RUSC2: variants seen among roughly 807,000 people sequenced by gnomAD.
The protein encoded by RUSC2 is AP-4 complex accessory subunit RUSC2.
A neutral mutation model predicts 122.2 loss-of-function variants in RUSC2; 34 were observed. That is an observed-to-expected ratio of 0.28 (90% confidence interval 0.21 to 0.37). The LOEUF (loss-of-function observed/expected upper bound fraction) is 0.37, where lower values mean the gene tolerates loss of function less well. RUSC2 is among the 10% of genes least tolerant of loss of function. The pLI, the probability that RUSC2 is intolerant of heterozygous loss-of-function variation, is 1.00. For missense variants in RUSC2, 1,747 were observed against 1,952.4 expected (o/e 0.89, Z 1.98); for synonymous variants, 784 against 790.0 (o/e 0.99, Z 0.13).
Position 35,560,395 on chromosome 9 carries a change from A to T in RUSC2, c.3755A>T (p.Glu1252Val), listed in dbSNP as rs947315608. ...GAAGAGGAGACAGAAGAGGTGGCAG[A>T]GGCAGCCGGGGGCTCAGGGCGTGCC... Reference protein sequence around the residue: ...EEEEETEEVAEAAGGSGRARW... With the variant: ...EEEEETEEVAVAAGGSGRARW... Residue 1252 changes from glutamate (E) to valine (V), a missense_variant, in exon 10 of 12, where the codon GAG (glutamate) becomes GTG (valine). By Grantham distance (121) the Glu-to-Val change is moderately radical (BLOSUM62 -2). Coordinates refer to ENST00000361226, the MANE Select transcript of RUSC2 (RefSeq NM_014806.5). 15 of 1,613,904 alleles carry T rather than the reference A, an allele frequency of 9.3e-6. No homozygotes were observed. The highest frequency in any genetic ancestry group is 1.2e-5 in the Non-Finnish European group (14 of 1,179,982).
intron 1 of RUSC2, among the ~76,000 whole-genome samples, chr9:35,527,490 T>C (rs1374160758): frequency 6.6e-6 from 1 of 152,162 alleles, no homozygotes; most frequent in African/African-American, 2.4e-5. Flanking sequence ...TAATTATGTT[T>C]CTAACTTCTG....
intron 1 of RUSC2, among the ~76,000 whole-genome samples, chr9:35,511,752 T>C (rs1821013538): frequency 6.6e-6 from 1 of 152,216 alleles, no homozygotes; most frequent in Non-Finnish European, 1.5e-5. Context: ...TGTATATAAA[T>C]GGTTATAATA....
chr9:35,560,612 G>T lies in RUSC2; in HGVS notation c.3972G>T (p.Gly1324=). 1 of 1,611,136 alleles carries T rather than the reference G, an allele frequency of 6.2e-7. No individual in the cohort carries two copies. The highest frequency in any genetic ancestry group is 8.5e-7 in the Non-Finnish European group (1 of 1,178,730). The change falls in exon 10 of 12, where the codon GGG becomes GGT. Residue 1324 remains glycine (G), a synonymous_variant. Transcript: ENST00000361226. ...APPPREGVVE[G]AEACPASEEA... ...CACCCCGAGAGGGAGTAGTGGAGGG[G>T]GCTGAGGCCTGCCCTGCCTCTGAGG...
chr9:35,542,861 T>C (rs1821668947), intron 1 of RUSC2, among the ~76,000 whole-genome samples: 1 of 152,230 alleles, frequency 6.6e-6, no homozygotes, highest in Admixed American at 6.5e-5. Flanking sequence ...AGTTTTTCCA[T>C]ATTAATGCAT....
rs1360848212 is a variant in RUSC2, at chr9:35,548,758, A to G, written c.2014+223A>G. 1.0e-6 allele frequency: 1 copy of G among 984,904 alleles called. No homozygotes were observed. The highest frequency in any genetic ancestry group is 1.2e-6 in the Non-Finnish European group (1 of 829,586). 61.0% of individuals were successfully genotyped at this position (984,904 alleles called of 1,614,324 possible). ...AAAATACACTGAGCAGACTGGGTGC[A>G]GTGACTCACACCTGTGATCCCAGCC... On this transcript the variant is annotated intron_variant, in intron 2 of 11. Transcript: ENST00000361226. The surrounding 1 kb of genome is among the most constrained non-coding windows in gnomAD (Gnocchi z 4.5).
intron 1 of RUSC2, among the ~76,000 whole-genome samples, chr9:35,491,081 TAAAG>T (rs945893084): frequency 6.9e-6 from 1 of 145,804 alleles, no homozygotes; most frequent in African/African-American, 2.6e-5. Context: ...GTGTCCGTGA[TAAAG>T]AACACAGGCC....
At chr9:35,510,128 C>T (rs570265692) in intron 1 of RUSC2, among the ~76,000 whole-genome samples, 3 of 152,198 alleles carry the variant, frequency 2.0e-5, no homozygotes, top group African/African-American at 7.2e-5. Context: ...TACTGAATTC[C>T]CACAAAATGA....
chr9:35,509,765 GTT>G (rs1820980395), intron 1 of RUSC2, among the ~76,000 whole-genome samples: 1 of 152,104 alleles, frequency 6.6e-6, no homozygotes, highest in Non-Finnish European at 1.5e-5. Flanking sequence ...ATTTATTATA[GTT>G]GTCATTTATT....
At chr9:35,543,861 G>T (rs1821691837) in intron 1 of RUSC2, among the ~76,000 whole-genome samples, 1 of 152,176 alleles carries the variant, frequency 6.6e-6, no homozygotes, top group Non-Finnish European at 1.5e-5. Context: ...CTTTGTGACT[G>T]GCTTCGATTG....
In RUSC2 at chr9:35,561,263, G is replaced by A. The variant is rs1822161002; in HGVS notation, c.4432G>A (p.Gly1478Arg). 1 of 1,614,068 alleles carries A rather than the reference G, an allele frequency of 6.2e-7. No individual in the cohort carries two copies. Among genetic ancestry groups the A allele is most frequent in the East Asian group, 2.2e-5 (1 of 44,888 alleles). The change falls in exon 12 of 12, where the codon GGG becomes AGG. Residue 1478 changes from glycine to arginine, a missense_variant. Gly to Arg is a moderately radical substitution (Grantham distance 125). Coordinates refer to ENST00000361226, the MANE Select transcript of RUSC2 (RefSeq NM_014806.5). ...FHKGDILRVLGRAGGDWLRCS... is the reference protein window; with the variant it reads ...FHKGDILRVLRRAGGDWLRCS... ...CAAAGGAGACATCCTACGAGTGCTG[G>A]GGCGAGCTGGAGGAGACTGGCTGCG...
At position 35,513,979 on chromosome 9, in the gene RUSC2, G is replaced by A. The variant is rs953786357; in HGVS notation, c.-93+23807G>A. 8.7e-5 allele frequency among the ~76,000 whole-genome samples: 11 copies of A among 126,788 alleles called. No individual in the cohort carries two copies. The South Asian group carries it at 1.3e-3, about 15-fold the overall frequency. 83.2% of individuals were successfully genotyped at this position (126,788 alleles called of 152,430 possible). A position where few individuals can be genotyped will look rare whatever the true frequency, so the allele number is the denominator to read the frequency against. On this transcript the variant is annotated intron_variant, in intron 1 of 11. Coordinates refer to ENST00000361226, the MANE Select transcript of RUSC2 (RefSeq NM_014806.5). The stretch of plus-strand genomic sequence containing the variant: ...TTATAATGTTATTTCTTTTAAATAC[G>A]TTTTTATAGAAATAGACTAGAGAGT...
At chr9:35,510,876 T>C (rs1379662677) in intron 1 of RUSC2, among the ~76,000 whole-genome samples, 1 of 152,164 alleles carries the variant, frequency 6.6e-6, no homozygotes, top group Non-Finnish European at 1.5e-5. Context: ...TATTCTGAGA[T>C]TTTGACTATA....
At chr9:35,518,789 C>T (rs942663618) in intron 1 of RUSC2, among the ~76,000 whole-genome samples, 1 of 152,182 alleles carries the variant, frequency 6.6e-6, no homozygotes, top group East Asian at 1.9e-4. Context: ...TCCTATAAAA[C>T]CCTCCCAAAC....
Position 35,546,565 on chromosome 9 carries a change from A to T in RUSC2, c.44A>T (p.His15Leu), listed in dbSNP as rs1029073148. 4.0e-6 allele frequency: 6 copies of T among 1,489,502 alleles called. No homozygotes were observed. Among genetic ancestry groups the T allele is most frequent in the Non-Finnish European group, 5.4e-6 (6 of 1,119,814 alleles). 92.3% of individuals were successfully genotyped at this position (1,489,502 alleles called of 1,614,324 possible). ...PKLTGETLIV[H>L]HIPLVHCQVP... ...CTGACTGGAGAGACCCTCATCGTTC[A>T]TCACATCCCCCTGGTGCACTGCCAA... The change falls in exon 2 of 12, where the codon CAT becomes CTT. Residue 15 changes from histidine to leucine, a missense_variant. Transcript: ENST00000361226. This position sits in a 1 kb window ranked among gnomAD's most constrained non-coding sequence, Gnocchi z 4.3.
chr9:35,500,542 T>C (rs890810275), intron 1 of RUSC2, among the ~76,000 whole-genome samples: 2 of 152,194 alleles, frequency 1.3e-5, no homozygotes, highest in African/African-American at 4.8e-5. Flanking sequence ...TTTCACAATT[T>C]TGTGGATGGG....
intron 1 of RUSC2, among the ~76,000 whole-genome samples, chr9:35,540,641 T>G (rs1258469594): frequency 6.6e-6 from 1 of 152,102 alleles, no homozygotes; most frequent in African/African-American, 2.4e-5. Flanking sequence ...TATCATAGCC[T>G]GGGGACAGTA....
At chr9:35,507,704 C>A in intron 1 of RUSC2, 1 of 232,816 alleles carries the variant, frequency 4.3e-6, no homozygotes, top group Non-Finnish European at 8.9e-6. Flanking sequence ...AGCACAGTGG[C>A]TATGGTGGGC....
rs755518016 is a variant in RUSC2, at chr9:35,558,392, C to CG, written c.3235+25dup. 1 of 1,613,820 alleles carries CG rather than the reference C, an allele frequency of 6.2e-7. No homozygotes were observed. Among genetic ancestry groups the CG allele is most frequent in the Non-Finnish European group, 8.5e-7 (1 of 1,179,740 alleles). On this transcript the variant is annotated intron_variant, in intron 7 of 11. Transcript: ENST00000361226. This position sits in a 1 kb window ranked among gnomAD's most constrained non-coding sequence, Gnocchi z 4.3. ...GCTAGGTAGGTGCTGGGTGCCAAGA[C>CG]GGGGACCCAGGGCTGAATTTAGGGC...
In RUSC2 at chr9:35,547,661, A is replaced by T; in HGVS notation, c.1140A>T (p.Thr380=). ...CGTGCCCAGCAGTGGCTGACCTCAC[A>T]GCCTGCTTCCAAAGCCAGGCCCGTC... is the stretch of plus-strand genomic sequence containing the variant. The part of the protein sequence containing the change: ...CEPCPAVADL[T]ACFQSQARLV... The change falls in exon 2 of 12, where the codon ACA becomes ACT. Residue 380 remains threonine, a synonymous_variant. Coordinates refer to ENST00000361226, the MANE Select transcript of RUSC2 (RefSeq NM_014806.5). The surrounding 1 kb of genome is among the most constrained non-coding windows in gnomAD (Gnocchi z 4.6). 6.2e-7 allele frequency: 1 copy of T among 1,614,188 alleles called. No individual in the cohort carries two copies. The highest frequency in any genetic ancestry group is 8.5e-7 in the Non-Finnish European group (1 of 1,180,030).
Sources: gnomAD v4.1 joint callset for allele counts (sites outside exome capture counted in the v4.1 genomes callset) on GRCh38, gnomAD v4.1.1 for gene constraint, Gnocchi (gnomAD v3.1) non-coding constraint, MANE v1.5 for transcripts, NCBI Gene and HGNC (gene_info 2026-07-23, HGNC 2026-07-21) for gene names.